MAMLD1: variants seen among roughly 807,000 people sequenced by gnomAD.
MAMLD1 encodes mastermind-like domain-containing protein 1.
MAMLD1 carries 14 observed loss-of-function variants against 45.0 expected under a neutral mutation model. The observed-to-expected ratio is 0.31, with a 90% CI of 0.21 to 0.49. MAMLD1 has a LOEUF of 0.49. Ranked by LOEUF, MAMLD1 falls within the 20% of genes least tolerant of loss-of-function variation. The probability of loss-of-function intolerance (pLI) is 0.99; values close to 1 mark genes in which losing one functional copy is unlikely to be tolerated. For missense variants in MAMLD1, 543 were observed against 603.6 expected (o/e 0.90, Z 1.05); for synonymous variants, 254 against 247.8 (o/e 1.02, Z -0.24).
At chrX:150,475,897 A>C (rs1212388693) in intron 5 of MAMLD1, among the ~76,000 whole-genome samples, 1 of 112,086 alleles carries the variant, frequency 8.9e-6, no homozygotes, top group Non-Finnish European at 1.9e-5. Flanking sequence ...GAATTTCCAA[A>C]TTCAGAACAT....
chrX:150,473,710 G>A lies in MAMLD1; in HGVS notation c.1948G>A (p.Ala650Thr). The change falls in exon 5 of 8, where the codon GCA (alanine) becomes ACA (threonine). Residue 650 changes from alanine (A) to threonine (T), a missense_variant. Physicochemically the swap from Ala to Thr is moderately conservative, Grantham distance 58. Transcript: ENST00000370401. ...GCCHLFAWTS[A>T]ASSVKPQHQH... is the part of the protein sequence containing the mutation. ...TTGCCATCTGTTTGCATGGACTTCT[G>A]CAGCTAGCTCGGTGAAGCCCCAGCA... is the stretch of plus-strand genomic sequence containing the variant. The A allele has an allele frequency of 1.7e-6, 2 of 1,210,290 alleles. No homozygotes were observed. The highest frequency in any genetic ancestry group is 2.2e-6 in the Non-Finnish European group (2 of 894,067).
At chrX:150,389,579 T>C (rs5970016) in intron 1 of MAMLD1, among the ~76,000 whole-genome samples, 22,657 of 111,641 alleles carry the variant, frequency 0.2, 1,812 homozygotes, top group Middle Eastern at 0.27. Context: ...ATATGTTCTA[T>C]GAACACTTGA....
chrX:150,478,657 C>T (rs911211881), intron 5 of MAMLD1, among the ~76,000 whole-genome samples: 2 of 112,524 alleles, frequency 1.8e-5, no homozygotes, highest in African/African-American at 6.5e-5. Context: ...GAAGTGCCTC[C>T]ACTTGCCAGA....
intron 5 of MAMLD1, among the ~76,000 whole-genome samples, chrX:150,494,653 G>A (rs2037309461): frequency 9.0e-6 from 1 of 111,569 alleles, no homozygotes; most frequent in Non-Finnish European, 1.9e-5. Flanking sequence ...GGCTGAGGCA[G>A]GCAGATCGCT....
chrX:150,397,164 C>A (rs1389018614), intron 1 of MAMLD1, among the ~76,000 whole-genome samples: 1 of 111,906 alleles, frequency 8.9e-6, no homozygotes, highest in Non-Finnish European at 1.9e-5. Flanking sequence ...TGGTCAGAAC[C>A]AGAAGTGACC....
chrX:150,427,337 A>T (rs1247521012), intron 1 of MAMLD1, among the ~76,000 whole-genome samples: 3 of 112,504 alleles, frequency 2.7e-5, no homozygotes, highest in Non-Finnish European at 5.6e-5. Flanking sequence ...TGCCATCAAC[A>T]TTATCTTCAC....
Position 150,423,516 on chromosome X carries a change from T to G in MAMLD1, c.-63-21938T>G, listed in dbSNP as rs781941678. Among the ~76,000 whole-genome samples the G allele has an allele frequency of 3.3e-4, 36 of 110,361 alleles. 1 individual carries two copies. The South Asian group carries it at 0.014, about 42-fold the overall frequency. ...AATTTGAGAGGAAGATAGAGGAATCTATGCCTACCAGTACTGATGGGGATA... is the reference window on the plus strand; with the variant it reads ...AATTTGAGAGGAAGATAGAGGAATCGATGCCTACCAGTACTGATGGGGATA... On this transcript the variant is annotated intron_variant, in intron 1 of 7. Transcript: ENST00000370401.
intron 2 of MAMLD1, among the ~76,000 whole-genome samples, chrX:150,460,609 G>A (rs1275551083): frequency 9.0e-6 from 1 of 111,699 alleles, no homozygotes; most frequent in East Asian, 2.8e-4. Context: ...AGGACTGGCA[G>A]GGCCTGGCAG....
intron 5 of MAMLD1, among the ~76,000 whole-genome samples, chrX:150,489,698 G>A (rs782244605): frequency 4.9e-4 from 54 of 109,566 alleles, no homozygotes; most frequent in Non-Finnish European, 1.0e-3. Context: ...GGGTTCCCTC[G>A]ATGTTTGTGG....
intron 5 of MAMLD1, among the ~76,000 whole-genome samples, chrX:150,483,172 CCT>C (rs2036876256): frequency 8.9e-6 from 1 of 112,343 alleles, no homozygotes; most frequent in African/African-American, 3.2e-5. Flanking sequence ...AAGTAGGACA[CCT>C]CTGACCAATG....
chrX:150,444,785 A>T (rs782294402), intron 1 of MAMLD1, among the ~76,000 whole-genome samples: 15 of 112,076 alleles, frequency 1.3e-4, no homozygotes, highest in Non-Finnish European at 2.1e-4. Flanking sequence ...CTGGGTTTGC[A>T]TATGTCTGCT....
intron 6 of MAMLD1, among the ~76,000 whole-genome samples, chrX:150,507,817 G>A (rs150688922): frequency 7.7e-4 from 86 of 112,010 alleles, no homozygotes; most frequent in African/African-American, 2.6e-3. Context: ...CCCTCCCTTC[G>A]GACTTTACCG....
intron 5 of MAMLD1, among the ~76,000 whole-genome samples, chrX:150,495,888 G>A (rs1444969669): frequency 8.9e-6 from 1 of 112,488 alleles, no homozygotes; most frequent in African/African-American, 3.2e-5. Flanking sequence ...CAGCTTCCTT[G>A]GTGCTGTGTA....
chrX:150,410,841 A>G (rs2034106022), intron 1 of MAMLD1, among the ~76,000 whole-genome samples: 1 of 111,510 alleles, frequency 9.0e-6, no homozygotes, highest in Admixed American at 9.5e-5. Context: ...TTCAGCTTGA[A>G]CCACCTGACT....
chrX:150,420,600 T>C (rs1003222812), intron 1 of MAMLD1, among the ~76,000 whole-genome samples: 4 of 112,395 alleles, frequency 3.6e-5, no homozygotes, highest in Non-Finnish European at 5.6e-5. Context: ...ATGATGGTGA[T>C]GTACAGATGG....
At chrX:150,511,041 C>A (rs1557409095) in intron 7 of MAMLD1, among the ~76,000 whole-genome samples, 1 of 111,953 alleles carries the variant, frequency 8.9e-6, no homozygotes. Flanking sequence ...AATAAAAGAA[C>A]CTAGGCACCA....
At chrX:150,417,264 G>GT (rs2034287363) in intron 1 of MAMLD1, among the ~76,000 whole-genome samples, 1 of 107,093 alleles carries the variant, frequency 9.3e-6, no homozygotes, top group South Asian at 4.3e-4. Flanking sequence ...GCAGTGTTTG[G>GT]TTTTTTGTTC....
chrX:150,386,102 A>AT (rs1390826647), intron 1 of MAMLD1, among the ~76,000 whole-genome samples: 2 of 67,428 alleles, frequency 3.0e-5, no homozygotes, highest in African/African-American at 1.7e-4. Flanking sequence ...TTCAACACCC[A>AT]TCTTTTTTTT....
chrX:150,426,514 C>A (rs7879640), intron 1 of MAMLD1, among the ~76,000 whole-genome samples: 38 of 112,303 alleles, frequency 3.4e-4, no homozygotes, highest in African/African-American at 1.2e-3. Flanking sequence ...GCCCCTGTAC[C>A]ACAGTTTTGT....
Sources: gnomAD v4.1 joint callset for allele counts (sites outside exome capture counted in the v4.1 genomes callset) on GRCh38, gnomAD v4.1.1 for gene constraint, MANE v1.5 for transcripts, NCBI Gene and HGNC (gene_info 2026-07-23, HGNC 2026-07-21) for gene names.